The following EXOC3 variants were observed in gnomAD, a reference collection of about 807,000 sequenced individuals.
EXOC3 encodes the protein SEC6-like 1.
In EXOC3, 21 loss-of-function variants were observed where a neutral mutation model predicts 73.7. The ratio of observed to expected loss-of-function variants is 0.29; its 90% CI spans 0.20 to 0.41. The LOEUF (loss-of-function observed/expected upper bound fraction) is 0.41, where lower values mean the gene tolerates loss of function less well. Among genes scored for constraint, EXOC3 ranks in the 10% least tolerant of loss-of-function variants. The probability of loss-of-function intolerance (pLI) is 1.00; values close to 1 mark genes in which losing one functional copy is unlikely to be tolerated. For synonymous variants in EXOC3, 410 were observed against 389.1 expected (o/e 1.05, Z -0.63); for missense variants, 842 against 985.1 (o/e 0.85, Z 1.95).
In EXOC3 at chr5:443,249, GC is replaced by G. The variant is rs1737388917; in HGVS notation, c.-97del. On this transcript the variant is annotated 5_prime_UTR_variant, in exon 1 of 13. Transcript: ENST00000512944. The stretch of plus-strand genomic sequence containing the variant: ...GGCGGGGGCGGCGGCGGCGGCGGCG[GC>G]GGCGGCGGCGGCGGCGGCGGCGGCG... 1.4e-4 allele frequency: 1 copy of G among 7,168 alleles called. No homozygotes were observed. The highest frequency in any genetic ancestry group is 8.0e-4 in the East Asian group (1 of 1,248). The allele number at this position is 7,168 out of a possible 1,614,324, so 0.4% of individuals were successfully genotyped here.
At chr5:447,851 G>T (rs1451684383) in intron 3 of EXOC3, 99 bp downstream of exon 3, 12 of 788,400 alleles carry the variant, frequency 1.5e-5, no homozygotes, top group Non-Finnish European at 2.2e-5. Context: ...CCGCACTGTA[G>T]ACCTGTAGAC....
Position 453,427 on chromosome 5 carries a change from C to T in EXOC3, c.422C>T (p.Ala141Val), listed in dbSNP as rs772408009. ...DLIEQGALLQAHRKLMDLECS... is the reference protein window; with the variant it reads ...DLIEQGALLQVHRKLMDLECS... Reference sequence around the variant, plus strand: ...ATTGAACAAGGGGCACTCCTGCAAGCCCACCGGAAGCTGATGGACCTGGAG... The same window carrying T: ...ATTGAACAAGGGGCACTCCTGCAAGTCCACCGGAAGCTGATGGACCTGGAG... Residue 141 changes from alanine to valine, a missense_variant, in exon 4 of 13, where the codon GCC (alanine) becomes GTC (valine). Coordinates refer to ENST00000512944, the MANE Select transcript of EXOC3 (RefSeq NM_007277.5). The T allele has an allele frequency of 6.2e-7, 1 of 1,605,950 alleles. No individual in the cohort carries two copies. Among genetic ancestry groups the T allele is most frequent in the South Asian group, 1.1e-5 (1 of 89,734 alleles).
intron 9 of EXOC3, among the ~76,000 whole-genome samples, chr5:462,903 C>T (rs1316352669): frequency 3.9e-5 from 6 of 152,094 alleles, no homozygotes; most frequent in East Asian, 3.9e-4. Context: ...GTTGGGAGTT[C>T]GAGACCAGCC....
intron 1 of EXOC3, 92 bp from the exon 2 acceptor site, chr5:446,058 C>G: frequency 3.6e-6 from 3 of 838,026 alleles, no homozygotes; most frequent in Non-Finnish European, 5.8e-6. Context: ...TTAATGATCT[C>G]AGAGGCTCTG....
At chr5:456,711 A>T (rs570318222) in intron 4 of EXOC3, among the ~76,000 whole-genome samples, 178 bp from the exon 5 acceptor site, 3 of 151,770 alleles carry the variant, frequency 2.0e-5, no homozygotes, top group Non-Finnish European at 4.4e-5. Flanking sequence ...GATGCCACAG[A>T]GACCCCAAAG....
chr5:447,272 G>A, intron 2 of EXOC3: 1 of 408,024 alleles, frequency 2.5e-6, no homozygotes, highest in Non-Finnish European at 4.4e-6. Flanking sequence ...CAGGTGTGAG[G>A]CTAGATGAGG....
chr5:465,099 G>A lies in EXOC3; in HGVS notation c.1777-12G>A, dbSNP rs751359890. 12 of 1,554,716 alleles carry A rather than the reference G, an allele frequency of 7.7e-6. No homozygotes were observed. In the East Asian group the frequency reaches 1.2e-4, roughly 15 times the overall value. ...CCGTGGAGCCTGCCGCTGACCGCGC[G>A]TGTCTCCCCAGAGGATGACGGCCGA... On this transcript the variant is annotated splice_polypyrimidine_tract_variant and intron_variant, in intron 10 of 12. Coordinates refer to ENST00000512944, the MANE Select transcript of EXOC3 (RefSeq NM_007277.5).
At chr5:452,507 A>T (rs1329500495) in intron 3 of EXOC3, among the ~76,000 whole-genome samples, 2 of 152,240 alleles carry the variant, frequency 1.3e-5, no homozygotes, top group Non-Finnish European at 2.9e-5. Context: ...TAGATCTGCC[A>T]TCAGATCTTT....
In EXOC3 at chr5:453,674, C is replaced by T. The variant is rs1737719309; in HGVS notation, c.669C>T (p.Asp223=). 6.2e-7 allele frequency: 1 copy of T among 1,613,980 alleles called. No individual in the cohort carries two copies. The highest frequency in any genetic ancestry group is 2.2e-5 in the East Asian group (1 of 44,884). ...VRIIEREEKI[D]RRILDRKKQT... is the part of the protein sequence containing the mutation. ...TCATTGAAAGGGAAGAGAAAATTGACAGGCGCATACTTGACCGGAAAAAGC... is the reference window on the plus strand; with the variant it reads ...TCATTGAAAGGGAAGAGAAAATTGATAGGCGCATACTTGACCGGAAAAAGC... Residue 223 remains aspartate, a synonymous_variant, in exon 4 of 13, where the codon GAC becomes GAT. Coordinates refer to ENST00000512944, the MANE Select transcript of EXOC3 (RefSeq NM_007277.5).
rs918352292 is a variant in EXOC3 at position 444,053 on chromosome 5, G to T, written c.-57+763G>T. ...CGGTAAAGGGTCCCTCCTGGCAGAG[G>T]TGTCTGCCCGGCAGAGGTGTCTCCC... On this transcript the variant is annotated intron_variant, in intron 1 of 12. Transcript: ENST00000512944. 3.9e-5 allele frequency among the ~76,000 whole-genome samples: 6 copies of T among 152,190 alleles called. No individual in the cohort carries two copies. The South Asian group carries it at 1.2e-3, about 32-fold the overall frequency.
intron 12 of EXOC3, 61 bp from the exon 13 acceptor site, chr5:466,666 G>C (rs749167499): frequency 2.7e-5 from 41 of 1,527,384 alleles, no homozygotes; most frequent in Admixed American, 3.7e-5. Flanking sequence ...GTGAGTCCCT[G>C]GCAGCGTGGT....
At chr5:455,074 C>T (rs1737772033) in intron 4 of EXOC3, among the ~76,000 whole-genome samples, 1 of 152,194 alleles carries the variant, frequency 6.6e-6, no homozygotes, top group Admixed American at 6.5e-5. Flanking sequence ...GCTCTCTGTG[C>T]ACAGCCCTGG....
chr5:459,122 A>G (rs1316152931), intron 6 of EXOC3, among the ~76,000 whole-genome samples: 2 of 152,102 alleles, frequency 1.3e-5, no homozygotes, highest in Non-Finnish European at 2.9e-5. Context: ...CGTGGGAGAA[A>G]CCAGTTTGCC....
chr5:445,743 A>T lies in EXOC3; in HGVS notation c.-56-407A>T, dbSNP rs936486497. Among the ~76,000 whole-genome samples, 5 of 152,114 alleles carry T rather than the reference A, an allele frequency of 3.3e-5. No homozygotes were observed. In the East Asian group the frequency reaches 9.7e-4, roughly 29 times the overall value. ...TGGTCGGGGGAGTTGTCCACGCTGT[A>T]TTTGTCTTCACTGAGGGTCCTGGTG... On this transcript the variant is annotated intron_variant, in intron 1 of 12. Coordinates refer to ENST00000512944, the MANE Select transcript of EXOC3 (RefSeq NM_007277.5).
chr5:448,756 C>T (rs1468266846), intron 3 of EXOC3, among the ~76,000 whole-genome samples: 2 of 152,222 alleles, frequency 1.3e-5, no homozygotes, highest in South Asian at 2.1e-4. Context: ...CCTCTCTGCC[C>T]TCCTCTCGTG....
At chr5:459,974 C>A (rs1470758569) in intron 7 of EXOC3, among the ~76,000 whole-genome samples, 1 of 152,218 alleles carries the variant, frequency 6.6e-6, no homozygotes, top group Admixed American at 6.5e-5. Context: ...CAGAAGCCAT[C>A]CCCTCCAAAG....
intron 5 of EXOC3, 134 bp downstream of exon 5, chr5:457,140 G>A (rs757179904): frequency 8.6e-5 from 57 of 659,806 alleles, no homozygotes; most frequent in Admixed American, 4.4e-4. Context: ...AGTTGCCCGG[G>A]CTCTGCTTCC....
intron 11 of EXOC3, 149 bp from the exon 12 acceptor site, chr5:465,568 CT>C (rs1175766013): frequency 7.8e-6 from 8 of 1,030,770 alleles, no homozygotes; most frequent in Non-Finnish European, 1.1e-5. Flanking sequence ...CCCCAGACCC[CT>C]GGCCCTGTCA....
At position 447,736 on chromosome 5, in the gene EXOC3, C is replaced by A; in HGVS notation, c.348C>A (p.Leu116=). 1.3e-6 allele frequency: 2 copies of A among 1,567,942 alleles called. No individual in the cohort carries two copies. The highest frequency in any genetic ancestry group is 2.7e-5 in the African/African-American group (2 of 74,000). The change falls in exon 3 of 13, where the codon CTC becomes CTA. Residue 116 remains leucine (L), a synonymous_variant. Coordinates refer to ENST00000512944, the MANE Select transcript of EXOC3 (RefSeq NM_007277.5). The stretch of plus-strand genomic sequence containing the variant: ...AGCTCGCCGCAGCCGTGGAGAACCT[C>A]AAGAACATCTTCTCAGGTACCAGCC... ...HSQLAAAVEN[L]KNIFSVPEIV...
Sources: gnomAD v4.1 joint callset for allele counts (sites outside exome capture counted in the v4.1 genomes callset) on GRCh38, gnomAD v4.1.1 for gene constraint, MANE v1.5 for transcripts, NCBI Gene and HGNC (gene_info 2026-07-23, HGNC 2026-07-21) for gene names.